Variants in CNTNAP2 observed in about 807,000 individuals in gnomAD.
CNTNAP2 encodes the protein contactin associated protein 2.
A neutral mutation model predicts 155.2 loss-of-function variants in CNTNAP2; 98 were observed. That is an observed-to-expected ratio of 0.63 (90% CI 0.54 to 0.75). CNTNAP2 has a LOEUF of 0.75. CNTNAP2 is among the 30% of genes least tolerant of loss of function. CNTNAP2 has a pLI of 0.00. For synonymous variants in CNTNAP2, 651 were observed against 631.2 expected, an observed-to-expected ratio of 1.03 and a Z score of -0.47; for missense variants, 1,727 against 1,688.1, an observed-to-expected ratio of 1.02 and a Z score of -0.40.
rs572804810 is a variant in CNTNAP2 at position 147,114,007 on chromosome 7, C to T, written c.754+5657C>T. On this transcript the variant is annotated intron_variant, in intron 5 of 23. Coordinates refer to ENST00000361727, the MANE Select transcript of CNTNAP2 (RefSeq NM_014141.6). ...TAACTGCATCCCAGAGATTCTGGTA[C>T]TTTGTATCTTTGTTCTCATTAGTTT... 2.6e-5 allele frequency among the ~76,000 whole-genome samples: 4 copies of T among 152,194 alleles called. No homozygotes were observed. In the South Asian group the frequency reaches 8.3e-4, roughly 32 times the overall value.
intron 19 of CNTNAP2, among the ~76,000 whole-genome samples, chr7:148,225,003 T>C (rs1026754462): frequency 1.3e-5 from 2 of 152,164 alleles, no homozygotes; most frequent in African/African-American, 4.8e-5. Flanking sequence ...CAATTTAAGA[T>C]GACATTTGGA....
At chr7:147,083,658 T>C (rs2129269344) in intron 4 of CNTNAP2, among the ~76,000 whole-genome samples, 1 of 144,120 alleles carries the variant, frequency 6.9e-6, no homozygotes, top group East Asian at 2.0e-4. Context: ...TAATGCTATA[T>C]ATACATATAT....
intron 13 of CNTNAP2, among the ~76,000 whole-genome samples, chr7:147,701,089 T>C (rs1424139330): frequency 6.6e-6 from 1 of 152,200 alleles, no homozygotes; most frequent in Admixed American, 6.5e-5. Context: ...TTTGTAGTTC[T>C]CTTCAGTTAC....
intron 12 of CNTNAP2, among the ~76,000 whole-genome samples, chr7:147,612,945 C>T (rs10226013): frequency 0.68 from 103,947 of 151,976 alleles, 35,960 homozygotes; most frequent in African/African-American, 0.78. Flanking sequence ...CCACTCTTGT[C>T]GGCTGGCCTT....
At chr7:146,558,975 C>T (rs574986705) in intron 1 of CNTNAP2, among the ~76,000 whole-genome samples, 4 of 152,156 alleles carry the variant, frequency 2.6e-5, no homozygotes, top group Admixed American at 1.3e-4. Context: ...GTTTATTGTA[C>T]GAGTTTTTCA....
intron 4 of CNTNAP2, among the ~76,000 whole-genome samples, chr7:147,092,703 A>G (rs1450350183): frequency 6.6e-6 from 1 of 152,232 alleles, no homozygotes; most frequent in African/African-American, 2.4e-5. Context: ...ATGTAAATTG[A>G]AAAATGTGAT....
intron 14 of CNTNAP2, among the ~76,000 whole-genome samples, chr7:147,925,281 C>G (rs1380070338): frequency 1.5e-5 from 1 of 66,658 alleles, no homozygotes; most frequent in Non-Finnish European, 3.2e-5. Flanking sequence ...CAAACACACA[C>G]AAGCGCGCGC....
chr7:146,695,237 C>G (rs963735530), intron 1 of CNTNAP2, among the ~76,000 whole-genome samples: 1 of 152,030 alleles, frequency 6.6e-6, no homozygotes, highest in African/African-American at 2.4e-5. Flanking sequence ...TTGTAGATAT[C>G]TATTATCAAG....
intron 3 of CNTNAP2, among the ~76,000 whole-genome samples, chr7:146,927,052 C>A (rs1279977607): frequency 6.6e-6 from 1 of 152,148 alleles, no homozygotes; most frequent in Non-Finnish European, 1.5e-5. Context: ...TGGGTCTTTG[C>A]TTAATGAGAT....
intron 1 of CNTNAP2, among the ~76,000 whole-genome samples, chr7:146,651,584 T>G (rs1241986595): frequency 6.6e-6 from 1 of 152,188 alleles, no homozygotes. Flanking sequence ...TTTCACATTT[T>G]ATGAAGTTCT....
chr7:146,373,601 G>A (rs1584894888), intron 1 of CNTNAP2, among the ~76,000 whole-genome samples: 1 of 151,984 alleles, frequency 6.6e-6, no homozygotes, highest in Non-Finnish European at 1.5e-5. Flanking sequence ...ATATGAAGCA[G>A]TATAAACTCA....
intron 12 of CNTNAP2, among the ~76,000 whole-genome samples, chr7:147,579,403 G>A (rs1486425378): frequency 1.3e-5 from 2 of 152,116 alleles, no homozygotes; most frequent in African/African-American, 2.4e-5. Flanking sequence ...AAATCTGATT[G>A]TGTGGAACTT....
chr7:146,779,284 A>G (rs1019281290), intron 2 of CNTNAP2, among the ~76,000 whole-genome samples: 1 of 152,206 alleles, frequency 6.6e-6, no homozygotes, highest in African/African-American at 2.4e-5. Context: ...GAAAAACACA[A>G]ACAAAAACTA....
chr7:147,669,174 T>C (rs1228882956), intron 13 of CNTNAP2, among the ~76,000 whole-genome samples: 1 of 152,160 alleles, frequency 6.6e-6, no homozygotes, highest in Admixed American at 6.5e-5. Flanking sequence ...CATACAAAGA[T>C]GAAATTACCT....
At chr7:146,302,809 A>G (rs897133084) in intron 1 of CNTNAP2, among the ~76,000 whole-genome samples, 2 of 152,174 alleles carry the variant, frequency 1.3e-5, no homozygotes, top group Admixed American at 1.3e-4. Context: ...GCTCTTACAG[A>G]CATGTGCTAT....
intron 17 of CNTNAP2, among the ~76,000 whole-genome samples, chr7:148,164,611 C>CTTTTTTT (rs1175888434): frequency 2.1e-5 from 2 of 93,488 alleles, no homozygotes; most frequent in Non-Finnish European, 3.8e-5. Context: ...TTTTCTCTCT[C>CTTTTTTT]TTTTTTTTTT....
intron 1 of CNTNAP2, among the ~76,000 whole-genome samples, chr7:146,344,115 GA>G (rs1490414355): frequency 1.3e-5 from 2 of 152,226 alleles, no homozygotes; most frequent in Non-Finnish European, 2.9e-5. Flanking sequence ...ATTTAACTTT[GA>G]AACAGAAAAC....
At chr7:146,582,479 G>A (rs975572535) in intron 1 of CNTNAP2, among the ~76,000 whole-genome samples, 7 of 152,082 alleles carry the variant, frequency 4.6e-5, no homozygotes, top group Admixed American at 3.9e-4. Context: ...TAAGGGACGT[G>A]CCATAGATAT....
intron 21 of CNTNAP2, among the ~76,000 whole-genome samples, chr7:148,331,253 AAT>A (rs1798001328): frequency 1.9e-5 from 2 of 104,636 alleles, no homozygotes; most frequent in Non-Finnish European, 3.6e-5. Flanking sequence ...AGATGGATGG[AAT>A]GGATGGATGG....
Sources: gnomAD v4.1 joint callset for allele counts (sites outside exome capture counted in the v4.1 genomes callset) on GRCh38, gnomAD v4.1.1 for gene constraint, MANE v1.5 for transcripts, NCBI Gene and HGNC (gene_info 2026-07-23, HGNC 2026-07-21) for gene names.